The following SCLT1 variants were observed in gnomAD, a reference collection of about 807,000 sequenced individuals.
SCLT1 encodes sodium channel and clathrin linker 1, also known as sodium channel-associated protein 1.
A neutral mutation model predicts 112.8 loss-of-function variants in SCLT1; 78 were observed. That is an observed-to-expected ratio of 0.69 (90% CI 0.58 to 0.83). SCLT1 has a LOEUF of 0.83. Ranked by LOEUF, SCLT1 falls within the 40% of genes least tolerant of loss-of-function variation. SCLT1 has a pLI of 0.00. For synonymous variants in SCLT1, 257 were observed against 254.7 expected (o/e 1.01, Z -0.09); for missense variants, 747 against 770.4 (o/e 0.97, Z 0.36).
At chr4:128,961,059 C>T (rs1020574787) in intron 11 of SCLT1, among the ~76,000 whole-genome samples, 1 of 148,400 alleles carries the variant, frequency 6.7e-6, no homozygotes, top group Non-Finnish European at 1.5e-5. Context: ...TTTAGGGAAT[C>T]TTCGCCACAC....
intron 9 of SCLT1, among the ~76,000 whole-genome samples, chr4:128,980,071 T>A (rs1480275240): frequency 2.6e-5 from 4 of 152,172 alleles, no homozygotes; most frequent in Non-Finnish European, 5.9e-5. Context: ...TTAAAACCTG[T>A]TTTCCATGCT....
downstream of SCLT1, among the ~76,000 whole-genome samples, chr4:128,882,929 C>A (rs1348949377): frequency 1.3e-5 from 2 of 151,994 alleles, no homozygotes; most frequent in East Asian, 3.9e-4. Flanking sequence ...GGCAGATCAC[C>A]TGAGGTCAGA....
chr4:128,925,048 C>G (rs1278205732), intron 18 of SCLT1, among the ~76,000 whole-genome samples: 1 of 152,098 alleles, frequency 6.6e-6, no homozygotes, highest in East Asian at 1.9e-4. Flanking sequence ...TGTCTCCTGC[C>G]AATGCCAGTT....
chr4:128,907,220 G>C (rs1001434366), intron 18 of SCLT1, among the ~76,000 whole-genome samples: 1 of 152,156 alleles, frequency 6.6e-6, no homozygotes, highest in Non-Finnish European at 1.5e-5. Context: ...ACAGGAAATT[G>C]GCACTGAAGT....
intron 11 of SCLT1, 145 bp from the exon 12 acceptor site, chr4:128,959,922 T>A: frequency 1.6e-6 from 1 of 643,042 alleles, no homozygotes; most frequent in Non-Finnish European, 2.7e-6. Flanking sequence ...ATTACCCTTC[T>A]ATAAAGTAGG....
chr4:129,077,281 T>C (rs1005085005), intron 2 of SCLT1, among the ~76,000 whole-genome samples: 1 of 152,154 alleles, frequency 6.6e-6, no homozygotes, highest in African/African-American at 2.4e-5. Flanking sequence ...GAAATAAATA[T>C]CAAACTCCTG....
At chr4:128,993,620 T>C (rs1017247154) in intron 8 of SCLT1, among the ~76,000 whole-genome samples, 1 of 152,064 alleles carries the variant, frequency 6.6e-6, no homozygotes, top group Admixed American at 6.6e-5. Flanking sequence ...AAGAAAATTA[T>C]GTACTATATT....
At chr4:129,020,640 A>G (rs1360748255) in intron 5 of SCLT1, among the ~76,000 whole-genome samples, 1 of 152,242 alleles carries the variant, frequency 6.6e-6, no homozygotes, top group Non-Finnish European at 1.5e-5. Context: ...ATGAACTGGT[A>G]AGAGGAACAC....
chr4:129,037,455 TA>T (rs1370995621), intron 5 of SCLT1: 3 of 152,164 alleles, frequency 2.0e-5, no homozygotes, highest in Non-Finnish European at 2.9e-5. Flanking sequence ...GGCTGGTAAG[TA>T]AAACTGGATA....
Position 128,987,751 on chromosome 4 carries a change from T to G in SCLT1, c.686+4416A>C, listed in dbSNP as rs115672450. 9.4e-3 allele frequency among the ~76,000 whole-genome samples: 1,436 copies of G among 152,208 alleles called. 18 individuals carry two copies. Among genetic ancestry groups the G allele is most frequent in the Non-Finnish European group, 0.015 (997 of 67,986 alleles). ...CTCAAAGAGGATGTACTAAGAGAGA[T>G]GAGAGTAGAAAGTTTATTCAAAGAC... On this transcript the variant is annotated intron_variant, in intron 9 of 20. Coordinates refer to ENST00000281142, the MANE Select transcript of SCLT1 (RefSeq NM_144643.4).
At chr4:129,077,600 G>A (rs373958294) in intron 2 of SCLT1, among the ~76,000 whole-genome samples, 2 of 152,208 alleles carry the variant, frequency 1.3e-5, no homozygotes, top group East Asian at 1.9e-4. Flanking sequence ...CTACTGACCA[G>A]AACTGTTCTA....
intron 15 of SCLT1, among the ~76,000 whole-genome samples, chr4:128,947,643 A>G (rs1738288741): frequency 6.6e-6 from 1 of 152,154 alleles, no homozygotes; most frequent in South Asian, 2.1e-4. Context: ...TGCTCAATCA[A>G]ATTTGGCCTC....
At chr4:129,018,102 T>C (rs888949318) in intron 5 of SCLT1, among the ~76,000 whole-genome samples, 2 of 152,256 alleles carry the variant, frequency 1.3e-5, no homozygotes, top group Non-Finnish European at 2.9e-5. Context: ...ACTGCCAGAA[T>C]TGTTGGCTCT....
intron 9 of SCLT1, among the ~76,000 whole-genome samples, chr4:128,986,863 C>CG: frequency 6.6e-6 from 1 of 152,170 alleles, no homozygotes; most frequent in Non-Finnish European, 1.5e-5. Context: ...TGAAGGGATT[C>CG]GGGTGTGACT....
chr4:129,048,543 C>T (rs1487713985), intron 2 of SCLT1, among the ~76,000 whole-genome samples: 1 of 151,132 alleles, frequency 6.6e-6, no homozygotes, highest in African/African-American at 2.4e-5. Flanking sequence ...AAAACCTAGG[C>T]ATTACCATTC....
In SCLT1 at chr4:129,082,347, G is replaced by T. The variant is rs536017829; in HGVS notation, c.61C>A (p.Arg21=). ...QNRRLNEDFR[R]YQMESFSKYS... ...TTGGAAAAACTTTCCATTTGATACC[G>T]CCTAAAATCTTCATTTAGTCTTCGA... is the stretch of plus-strand genomic sequence containing the variant. The change falls in exon 2 of 21, where the codon CGG becomes AGG. Residue 21 remains arginine (R), a synonymous_variant. Coordinates refer to ENST00000281142, the MANE Select transcript of SCLT1 (RefSeq NM_144643.4). 2 of 1,590,656 alleles carry T rather than the reference G, an allele frequency of 1.3e-6. No individual in the cohort carries two copies. Among genetic ancestry groups the T allele is most frequent in the Admixed American group, 1.7e-5 (1 of 58,538 alleles).
At chr4:129,019,884 T>C (rs1052758833) in intron 5 of SCLT1, among the ~76,000 whole-genome samples, 2 of 151,610 alleles carry the variant, frequency 1.3e-5, no homozygotes, top group African/African-American at 4.8e-5. Flanking sequence ...TTTTTTTTTT[T>C]CCTATCTGGT....
intron 5 of SCLT1, chr4:129,036,793 C>T (rs1747215736): frequency 6.6e-6 from 1 of 151,416 alleles, no homozygotes; most frequent in Non-Finnish European, 1.5e-5. Flanking sequence ...TTAAATATAG[C>T]TACACTAAAA....
intron 5 of SCLT1, chr4:129,036,486 A>T (rs577613941): frequency 6.6e-6 from 1 of 152,206 alleles, no homozygotes; most frequent in South Asian, 2.1e-4. Context: ...GGAAGAGTAC[A>T]TCCCTGCTTA....
Sources: gnomAD v4.1 joint callset for allele counts (sites outside exome capture counted in the v4.1 genomes callset) on GRCh38, gnomAD v4.1.1 for gene constraint, MANE v1.5 for transcripts, NCBI Gene and HGNC (gene_info 2026-07-23, HGNC 2026-07-21) for gene names.